Variants in PSD3 observed in about 807,000 individuals in gnomAD.
PSD3 encodes pleckstrin and Sec7 domain containing 3, also known as PH and SEC7 domain-containing protein 3.
In PSD3, 49 loss-of-function variants were observed where a neutral mutation model predicts 105.5. The observed-to-expected ratio is 0.46, with a 90% confidence interval of 0.37 to 0.59. The LOEUF is 0.59. Among genes scored for constraint, PSD3 ranks in the 20% least tolerant of loss-of-function variants. The pLI is 0.00. For synonymous variants in PSD3, 557 were observed against 457.8 expected (o/e 1.22, Z -2.77); for missense variants, 1,561 against 1,263.8 (o/e 1.24, Z -3.57).
rs76064880 is a variant in PSD3 at position 18,890,761 on chromosome 8, C to T, written c.131-18028G>A. Among the ~76,000 whole-genome samples the T allele has an allele frequency of 6.1e-3, 919 of 151,820 alleles. 8 individuals are homozygous for T. The highest frequency in any genetic ancestry group is 0.021 in the African/African-American group (879 of 41,380). ...TTGTCTTGAGTTACTGAGTGTGATCCCTCTCAGCACAGAAGTGATGTGTGT... is the reference window on the plus strand; with the variant it reads ...TTGTCTTGAGTTACTGAGTGTGATCTCTCTCAGCACAGAAGTGATGTGTGT... On this transcript the variant is annotated intron_variant, in intron 2 of 15. Coordinates refer to ENST00000327040, the MANE Select transcript of PSD3 (RefSeq NM_015310.4).
chr8:18,912,942 G>C (rs1474184032), intron 2 of PSD3, among the ~76,000 whole-genome samples: 1 of 151,916 alleles, frequency 6.6e-6, no homozygotes. Flanking sequence ...TGAGTGGCAA[G>C]GCACCCAGGG....
intron 2 of PSD3, among the ~76,000 whole-genome samples, chr8:18,874,545 T>C (rs1382949335): frequency 6.6e-6 from 1 of 151,728 alleles, no homozygotes; most frequent in South Asian, 2.1e-4. Context: ...TGTATATATA[T>C]ACACTGAAAT....
chr8:18,723,087 G>A (rs1000794283), intron 9 of PSD3, among the ~76,000 whole-genome samples: 1 of 152,038 alleles, frequency 6.6e-6, no homozygotes, highest in Non-Finnish European at 1.5e-5. Flanking sequence ...AGAAACAAAC[G>A]AACAAACAAA....
At chr8:19,063,293 C>T (rs1487310962) in intron 1 of PSD3, among the ~76,000 whole-genome samples, 1 of 152,124 alleles carries the variant, frequency 6.6e-6, no homozygotes, top group Non-Finnish European at 1.5e-5. Context: ...TATTAGCTAA[C>T]CAAAATATTT....
rs185507136 is a variant in PSD3 at position 19,007,206 on chromosome 8, C to G, written c.21+6357G>C. Reference sequence around the variant, plus strand: ...GGCAGAGGTTGCAGTGAGCCGAGATCTTGCCACTGCACTCCAGCCTTGGCG... The same window carrying G: ...GGCAGAGGTTGCAGTGAGCCGAGATGTTGCCACTGCACTCCAGCCTTGGCG... On this transcript the variant is annotated intron_variant, in intron 1 of 15. Transcript: ENST00000327040. 4.7e-3 allele frequency among the ~76,000 whole-genome samples: 708 copies of G among 151,886 alleles called. 14 individuals are homozygous for G. Among genetic ancestry groups the G allele is most frequent in the Non-Finnish European group, 8.3e-3 (564 of 67,882 alleles).
chr8:18,673,178 G>A (rs12550656), intron 9 of PSD3, among the ~76,000 whole-genome samples: 12,497 of 151,316 alleles, frequency 0.083, 993 homozygotes, highest in African/African-American at 0.19. Flanking sequence ...ACATTTATTT[G>A]GTTCTCTTAA....
At chr8:19,080,541 C>A (rs910834756) in intron 1 of PSD3, among the ~76,000 whole-genome samples, 1 of 152,180 alleles carries the variant, frequency 6.6e-6, no homozygotes, top group African/African-American at 2.4e-5. Flanking sequence ...GAAAATAGAC[C>A]TCCATTGCAT....
At chr8:18,653,152 C>T (rs1316583805) in intron 10 of PSD3, among the ~76,000 whole-genome samples, 1 of 152,044 alleles carries the variant, frequency 6.6e-6, no homozygotes, top group East Asian at 1.9e-4. Context: ...GTACTTCTTC[C>T]ACAGGAGGAA....
intron 9 of PSD3, among the ~76,000 whole-genome samples, chr8:18,737,061 G>C (rs1804200550): frequency 6.6e-6 from 1 of 152,166 alleles, no homozygotes; most frequent in Admixed American, 6.5e-5. Context: ...TGGTTTAGTT[G>C]TCCATTGGAA....
chr8:18,988,261 C>A lies in PSD3; in HGVS notation c.21+25302G>T, dbSNP rs1825611181. On this transcript the variant is annotated intron_variant, in intron 1 of 15. Coordinates refer to ENST00000327040, the MANE Select transcript of PSD3 (RefSeq NM_015310.4). The stretch of plus-strand genomic sequence containing the variant: ...TTTGACTAAAAGTGCCCTGATAAAT[C>A]TGCTCCACTAGAATCGTGTAGTAAA... Among the ~76,000 whole-genome samples, 3 of 152,082 alleles carry A rather than the reference C, an allele frequency of 2.0e-5. No individual in the cohort carries two copies. In the South Asian group the frequency reaches 6.2e-4, roughly 32 times the overall value.
At chr8:18,933,715 G>A (rs1821895812) in intron 2 of PSD3, among the ~76,000 whole-genome samples, 1 of 152,112 alleles carries the variant, frequency 6.6e-6, no homozygotes, top group Admixed American at 6.5e-5. Flanking sequence ...TGATCCATCC[G>A]CCTCTGCCTC....
chr8:18,973,200 T>C (rs992019256), intron 1 of PSD3, among the ~76,000 whole-genome samples: 5 of 152,128 alleles, frequency 3.3e-5, no homozygotes, highest in African/African-American at 1.2e-4. Context: ...CGTGAAAGTA[T>C]TGAGACAAGG....
intron 1 of PSD3, among the ~76,000 whole-genome samples, chr8:19,081,849 C>T (rs1301749825): frequency 6.6e-6 from 1 of 152,166 alleles, no homozygotes; most frequent in Non-Finnish European, 1.5e-5. Flanking sequence ...AGGACCTCAA[C>T]TCTACTGTAC....
chr8:18,937,888 A>G (rs1822253777), intron 1 of PSD3, among the ~76,000 whole-genome samples: 1 of 152,150 alleles, frequency 6.6e-6, no homozygotes, highest in Non-Finnish European at 1.5e-5. Context: ...AGGCTGGGGA[A>G]GGTCAGCGAC....
At chr8:18,770,144 C>G (rs1268257076) in intron 8 of PSD3, among the ~76,000 whole-genome samples, 1 of 152,180 alleles carries the variant, frequency 6.6e-6, no homozygotes, top group African/African-American at 2.4e-5. Flanking sequence ...ACACTAACAT[C>G]TGTCCCTTTT....
intron 8 of PSD3, among the ~76,000 whole-genome samples, chr8:18,767,661 T>C (rs1807126496): frequency 6.6e-6 from 1 of 151,866 alleles, no homozygotes; most frequent in Non-Finnish European, 1.5e-5. Flanking sequence ...GCAGAATAAC[T>C]GCTTGAACCC....
intron 9 of PSD3, among the ~76,000 whole-genome samples, chr8:18,681,475 G>A (rs935073701): frequency 2.0e-5 from 3 of 150,118 alleles, no homozygotes; most frequent in South Asian, 2.1e-4. Flanking sequence ...AAAAGAAGAG[G>A]AGGAAGAAGA....
chr8:18,871,621 C>T lies in PSD3; in HGVS notation c.1238+5G>A. ...TGAGACAGCAGGGCTACTATGGGAG[C>T]TCACCTTTCCCTGTCTCTCTCTGGT... On this transcript the variant is annotated splice_donor_5th_base_variant and intron_variant, in intron 3 of 15. Transcript: ENST00000327040. 1.9e-6 allele frequency: 3 copies of T among 1,591,570 alleles called. No individual in the cohort carries two copies. The highest frequency in any genetic ancestry group is 2.6e-6 in the Non-Finnish European group (3 of 1,169,558).
chr8:19,038,636 T>G (rs56023990), intron 1 of PSD3, among the ~76,000 whole-genome samples: 9,429 of 152,086 alleles, frequency 0.062, 976 homozygotes, highest in African/African-American at 0.21. Flanking sequence ...AATTTTTTTA[T>G]TTTTTTGTAG....
Sources: allele counts gnomAD v4.1 joint callset (sites outside exome capture counted in the v4.1 genomes callset), GRCh38; gene constraint gnomAD v4.1.1; transcripts MANE v1.5; gene names NCBI Gene and HGNC (gene_info 2026-07-23, HGNC 2026-07-21).